Variants in LINGO2 observed in about 807,000 individuals in gnomAD.
The protein encoded by LINGO2 is leucine-rich repeat and immunoglobulin-like domain-containing nogo receptor-interacting protein 2.
Under a neutral mutation model 30.6 loss-of-function variants are expected in LINGO2, and 14 were observed. The ratio of observed to expected loss-of-function variants is 0.46; its 90% CI spans 0.30 to 0.72. The LOEUF (loss-of-function observed/expected upper bound fraction) is 0.72, where lower values mean the gene tolerates loss of function less well. Ranked by LOEUF, LINGO2 falls within the 30% of genes least tolerant of loss-of-function variation. LINGO2 has a pLI of 0.07. For missense variants in LINGO2, 729 were observed against 751.7 expected (o/e 0.97, Z 0.35); for synonymous variants, 317 against 288.5 (o/e 1.10, Z -1.00).
chr9:28,045,275 G>A (rs1174399970), intron 4 of LINGO2, among the ~76,000 whole-genome samples: 1 of 152,000 alleles, frequency 6.6e-6, no homozygotes, highest in Non-Finnish European at 1.5e-5. Context: ...TCACCCAAGG[G>A]ACTATTTTTA....
At chr9:28,573,444 A>G (rs1823802707) in intron 1 of LINGO2, among the ~76,000 whole-genome samples, 1 of 152,094 alleles carries the variant, frequency 6.6e-6, no homozygotes, top group South Asian at 2.1e-4. Context: ...CCACCTCAAA[A>G]CTCCATTCAA....
At chr9:28,438,224 C>T (rs1824033084) in intron 2 of LINGO2, among the ~76,000 whole-genome samples, 1 of 152,080 alleles carries the variant, frequency 6.6e-6, no homozygotes, top group African/African-American at 2.4e-5. Context: ...CTAAAGGTTG[C>T]CCAGATAGCT....
chr9:29,056,579 A>C, the LINGO2 span, among the ~76,000 whole-genome samples: 2 of 152,164 alleles, frequency 1.3e-5, no homozygotes, highest in Non-Finnish European at 1.5e-5. Flanking sequence ...TTTGCTCTGC[A>C]GAAGCTTTTT....
At chr9:29,077,444 C>T in the LINGO2 span, among the ~76,000 whole-genome samples, 1 of 151,942 alleles carries the variant, frequency 6.6e-6, no homozygotes, top group African/African-American at 2.4e-5. Context: ...CAGATACAAC[C>T]TACAATAGGC....
At chr9:28,094,295 T>C (rs924549528) in intron 4 of LINGO2, among the ~76,000 whole-genome samples, 24 of 152,170 alleles carry the variant, frequency 1.6e-4, no homozygotes, top group African/African-American at 5.8e-4. Context: ...CTTTCTGCTG[T>C]TGCTTGTATT....
the LINGO2 span, among the ~76,000 whole-genome samples, chr9:28,775,300 G>A: frequency 1.3e-5 from 2 of 152,148 alleles, no homozygotes; most frequent in Non-Finnish European, 2.9e-5. Context: ...TTTTGGAGAA[G>A]CACATCATTG....
At chr9:28,035,530 T>C (rs1823888359) in intron 4 of LINGO2, among the ~76,000 whole-genome samples, 1 of 152,228 alleles carries the variant, frequency 6.6e-6, no homozygotes, top group Admixed American at 6.5e-5. Context: ...TTTTGGTAAA[T>C]GTAACAATTT....
intron 4 of LINGO2, among the ~76,000 whole-genome samples, chr9:28,149,395 GTC>G (rs371890509): frequency 7.0e-6 from 1 of 143,222 alleles, no homozygotes; most frequent in Middle Eastern, 3.5e-3. Flanking sequence ...CTGCTCCACC[GTC>G]TGGGAAGTAA....
intron 4 of LINGO2, among the ~76,000 whole-genome samples, chr9:28,053,301 G>A (rs1386615596): frequency 1.3e-5 from 2 of 152,068 alleles, no homozygotes; most frequent in Admixed American, 6.6e-5. Flanking sequence ...CTGGGAAACT[G>A]CCAGCAGTTT....
the LINGO2 span, among the ~76,000 whole-genome samples, chr9:28,903,150 A>G: frequency 6.6e-6 from 1 of 152,064 alleles, no homozygotes; most frequent in Non-Finnish European, 1.5e-5. Flanking sequence ...AAGAAAAGAC[A>G]GAAGATTCAA....
chr9:28,192,546 A>T (rs1183228577), intron 4 of LINGO2, among the ~76,000 whole-genome samples: 1 of 151,874 alleles, frequency 6.6e-6, no homozygotes, highest in Non-Finnish European at 1.5e-5. Context: ...TCTGATTGTG[A>T]TATGCTATAA....
chr9:28,094,659 T>C (rs17771216), intron 4 of LINGO2, among the ~76,000 whole-genome samples: 5,661 of 152,212 alleles, frequency 0.037, 159 homozygotes, highest in Non-Finnish European at 0.057. Flanking sequence ...ACATAGACTT[T>C]TTTTCCATTG....
chr9:28,749,610 AT>A, the LINGO2 span, among the ~76,000 whole-genome samples: 1 of 152,004 alleles, frequency 6.6e-6, no homozygotes, highest in Non-Finnish European at 1.5e-5. Context: ...AAAAAAAATT[AT>A]CTCATAATAG....
chr9:28,516,242 A>G (rs1383010256), intron 1 of LINGO2, among the ~76,000 whole-genome samples: 1 of 152,186 alleles, frequency 6.6e-6, no homozygotes, highest in African/African-American at 2.4e-5. Flanking sequence ...TCTCTGAGGT[A>G]CGCCTGTATA....
rs566625300 is a variant in LINGO2, at chr9:28,315,643, T to C, written c.-245-20277A>G. ...TTAAGTGAAAGAGATCTTAAAAGCA[T>C]TGGTAGATGATTTACTAGTTTAGAT... is the stretch of plus-strand genomic sequence containing the variant. On this transcript the variant is annotated intron_variant, in intron 3 of 5. Transcript: ENST00000379992. Among the ~76,000 whole-genome samples, 9 of 152,268 alleles carry C rather than the reference T, an allele frequency of 5.9e-5. No homozygotes were observed. The East Asian group carries it at 1.7e-3, about 29-fold the overall frequency.
intron 4 of LINGO2, among the ~76,000 whole-genome samples, chr9:28,226,884 A>G (rs1821188170): frequency 6.6e-6 from 1 of 152,084 alleles, no homozygotes; most frequent in Non-Finnish European, 1.5e-5. Context: ...TTAAAGTGCA[A>G]TTGACCTTAG....
At chr9:28,828,834 G>A in the LINGO2 span, among the ~76,000 whole-genome samples, 4 of 152,078 alleles carry the variant, frequency 2.6e-5, no homozygotes, top group African/African-American at 4.8e-5. Flanking sequence ...GTTTTACTAC[G>A]AGCCAGGTGG....
intron 4 of LINGO2, among the ~76,000 whole-genome samples, chr9:28,107,559 T>C (rs1209165106): frequency 1.3e-5 from 2 of 152,172 alleles, no homozygotes; most frequent in Non-Finnish European, 2.9e-5. Flanking sequence ...TTCATCTATT[T>C]GTTTCAGTAA....
At chr9:28,320,463 T>C (rs1028333734) in intron 3 of LINGO2, among the ~76,000 whole-genome samples, 2 of 152,198 alleles carry the variant, frequency 1.3e-5, no homozygotes, top group Non-Finnish European at 2.9e-5. Context: ...TCAGTAGTTA[T>C]ATTTACTTTT....
Sources: allele counts gnomAD v4.1 joint callset (sites outside exome capture counted in the v4.1 genomes callset), GRCh38; gene constraint gnomAD v4.1.1; transcripts MANE v1.5; gene names NCBI Gene and HGNC (gene_info 2026-07-23, HGNC 2026-07-21).